ZHX3: variants seen among roughly 807,000 people sequenced by gnomAD.
The protein encoded by ZHX3 is zinc fingers and homeoboxes protein 3.
Under a neutral mutation model 64.5 loss-of-function variants are expected in ZHX3, and 20 were observed. That is an observed-to-expected ratio of 0.31 (90% confidence interval 0.22 to 0.45). ZHX3 has a LOEUF of 0.45. ZHX3 is among the 20% of genes least tolerant of loss of function. ZHX3 has a pLI of 1.00. For missense variants in ZHX3, 1,041 were observed against 1,195.8 expected (o/e 0.87, Z 1.91); for synonymous variants, 423 against 461.6 (o/e 0.92, Z 1.07).
chr20:41,277,180 T>C (rs1173056544), intron 1 of ZHX3, among the ~76,000 whole-genome samples: 1 of 152,102 alleles, frequency 6.6e-6, no homozygotes, highest in East Asian at 1.9e-4. Flanking sequence ...TGACAAAAAG[T>C]TTACCAGGCA....
intron 1 of ZHX3, among the ~76,000 whole-genome samples, chr20:41,287,154 A>T (rs2043976700): frequency 6.6e-6 from 1 of 152,186 alleles, no homozygotes; most frequent in African/African-American, 2.4e-5. Flanking sequence ...TTCTGATTTG[A>T]ATAACAGGAA....
chr20:41,215,938 C>T (rs1037178442), intron 2 of ZHX3, among the ~76,000 whole-genome samples: 1 of 138,470 alleles, frequency 7.2e-6, no homozygotes, highest in Non-Finnish European at 1.5e-5. Context: ...GGCGACAGAG[C>T]GAGACTGTCC....
At chr20:41,261,718 G>A (rs573501237) in intron 2 of ZHX3, among the ~76,000 whole-genome samples, 24 of 152,240 alleles carry the variant, frequency 1.6e-4, no homozygotes, top group South Asian at 1.0e-3. Flanking sequence ...CCAATCCTAA[G>A]GCCTTTTAAT....
At chr20:41,297,165 C>T (rs2044573893) in intron 1 of ZHX3, among the ~76,000 whole-genome samples, 1 of 152,186 alleles carries the variant, frequency 6.6e-6, no homozygotes. Flanking sequence ...AGGAGAATGG[C>T]AGTTCTGGGG....
intron 1 of ZHX3, among the ~76,000 whole-genome samples, chr20:41,300,429 A>G (rs1283365072): frequency 2.0e-5 from 3 of 152,242 alleles, no homozygotes; most frequent in Non-Finnish European, 4.4e-5. Flanking sequence ...ATATACAATC[A>G]AGTATAGATA....
intron 1 of ZHX3, among the ~76,000 whole-genome samples, chr20:41,313,554 G>T: frequency 6.7e-6 from 1 of 149,080 alleles, no homozygotes. Flanking sequence ...AATACCTGTG[G>T]AACAAGTAAA....
Position 41,242,498 on chromosome 20 carries a change from C to A in ZHX3, c.-151+26492G>T, listed in dbSNP as rs184184859. On this transcript the variant is annotated intron_variant, in intron 2 of 3. Transcript: ENST00000683867. ...GTGGCTTAGGAGAAATCAAAGAATG[C>A]AAATAGGGTGAGGAGGAGCCACATA... Among the ~76,000 whole-genome samples, 6 of 152,278 alleles carry A rather than the reference C, an allele frequency of 3.9e-5. No individual in the cohort carries two copies. In the East Asian group the frequency reaches 1.2e-3, roughly 29 times the overall value.
chr20:41,203,951 G>A lies in ZHX3; in HGVS notation c.966C>T (p.Ser322=), dbSNP rs890602998. Residue 322 remains serine (S), a synonymous_variant, in exon 3 of 4, where the codon TCC becomes TCT. Coordinates refer to ENST00000683867, the MANE Select transcript of ZHX3 (RefSeq NM_001384317.1). The surrounding 1 kb of genome is among the most constrained non-coding windows in gnomAD (Gnocchi z 7.1). Reference sequence around the variant, plus strand: ...TGGTGGGGTAGGGGAACTTGTGGAAGGAGTTCTTCAGGAAGCTGTTAGAGT... The same window carrying A: ...TGGTGGGGTAGGGGAACTTGTGGAAAGAGTTCTTCAGGAAGCTGTTAGAGT... The part of the protein sequence containing the change: ...AMDSNSFLKN[S]FHKFPYPTKA... 6.2e-7 allele frequency: 1 copy of A among 1,614,116 alleles called. No individual in the cohort carries two copies. The highest frequency in any genetic ancestry group is 8.5e-7 in the Non-Finnish European group (1 of 1,180,048).
In ZHX3 at chr20:41,204,853, C is replaced by G. The variant is rs1352860521; in HGVS notation, c.64G>C (p.Asp22His). ...GCGGGCTGGGCCTCCATGCTGGCAT[C>G]TTGCAACACCACAGTCTTCACTGGG... ...MIPVKTVVLQ[D>H]ASMEAQPAET... is the part of the protein sequence containing the mutation. The change falls in exon 3 of 4, where the codon GAT becomes CAT. Residue 22 changes from aspartate (D) to histidine (H), a missense_variant. Asp to His is a moderately conservative substitution (Grantham distance 81). Transcript: ENST00000683867. This position sits in a 1 kb window ranked among gnomAD's most constrained non-coding sequence, Gnocchi z 6.6. 2 of 1,587,962 alleles carry G rather than the reference C, an allele frequency of 1.3e-6. No individual in the cohort carries two copies. Among genetic ancestry groups the G allele is most frequent in the African/African-American group, 1.3e-5 (1 of 74,272 alleles).
chr20:41,284,622 A>ACC (rs2043846285), intron 1 of ZHX3, among the ~76,000 whole-genome samples: 1 of 151,950 alleles, frequency 6.6e-6, no homozygotes. Context: ...TCTCATCAAG[A>ACC]CCCCAGCCTT....
rs541430742 is a variant in ZHX3 at position 41,310,027 on chromosome 20, T to G, written c.-245+7482A>C. 9.8e-4 allele frequency among the ~76,000 whole-genome samples: 150 copies of G among 152,288 alleles called. 1 individual carries two copies. The highest frequency in any genetic ancestry group is 1.6e-3 in the Admixed American group (24 of 15,298). On this transcript the variant is annotated intron_variant, in intron 1 of 3. Coordinates refer to ENST00000683867, the MANE Select transcript of ZHX3 (RefSeq NM_001384317.1). ...TCACTCCACACACCCATTCCTTGACTTCAACAACACTGGTCCTTTTCTCCT... is the reference window on the plus strand; with the variant it reads ...TCACTCCACACACCCATTCCTTGACGTCAACAACACTGGTCCTTTTCTCCT...
Position 41,204,457 on chromosome 20 carries a change from T to C in ZHX3, c.460A>G (p.Ser154Gly). The C allele has an allele frequency of 6.2e-7, 1 of 1,614,202 alleles. No homozygotes were observed. The highest frequency in any genetic ancestry group is 1.7e-5 in the Admixed American group (1 of 60,024). Residue 154 changes from serine (S) to glycine (G), a missense_variant, in exon 3 of 4, where the codon AGC becomes GGC. Ser to Gly is a moderately conservative substitution (Grantham distance 56). This residue lies in a region of ZHX3 where 358 missense variants were observed against 369.1 expected (regional missense o/e 0.97). Coordinates refer to ENST00000683867, the MANE Select transcript of ZHX3 (RefSeq NM_001384317.1). This position sits in a 1 kb window ranked among gnomAD's most constrained non-coding sequence, Gnocchi z 6.6. ...GGAGTGCTGGTGCTCTCAGGGATGCTCTGCTCCACAACCACATGATTGTCT... is the reference window on the plus strand; with the variant it reads ...GGAGTGCTGGTGCTCTCAGGGATGCCCTGCTCCACAACCACATGATTGTCT... ...KPDNHVVVEQ[S>G]IPESTSTPDL... is the part of the protein sequence containing the mutation.
At position 41,195,348 on chromosome 20, in the gene ZHX3, T is replaced by C. The variant is rs1366468711; in HGVS notation, c.2860+6709A>G. On this transcript the variant is annotated intron_variant, in intron 3 of 3. Transcript: ENST00000683867. This position sits in a 1 kb window ranked among gnomAD's most constrained non-coding sequence, Gnocchi z 4.2. ...CCAGGCAGGTCTCAAACTCCTGGCC[T>C]CAAGTGATCCTCCTGCCTTGGCCTC... Among the ~76,000 whole-genome samples the C allele has an allele frequency of 6.6e-6, 1 of 152,208 alleles. No homozygotes were observed. The highest frequency in any genetic ancestry group is 1.9e-4 in the East Asian group (1 of 5,200).
chr20:41,220,890 T>C (rs1398444380), intron 2 of ZHX3, among the ~76,000 whole-genome samples: 2 of 151,958 alleles, frequency 1.3e-5, no homozygotes, highest in African/African-American at 2.4e-5. Flanking sequence ...GGTTTCGCCA[T>C]GTTGCCCAGG....
At chr20:41,218,897 C>T (rs531968233) in intron 2 of ZHX3, among the ~76,000 whole-genome samples, 2 of 147,222 alleles carry the variant, frequency 1.4e-5, no homozygotes, top group South Asian at 2.2e-4. Flanking sequence ...GAGCTCTCTA[C>T]TTGTTTTTCC....
At chr20:41,223,239 CTA>C (rs2146343110) in intron 2 of ZHX3, among the ~76,000 whole-genome samples, 1 of 152,302 alleles carries the variant, frequency 6.6e-6, no homozygotes. Context: ...GGTAAGACTT[CTA>C]TTAAGAAGTA....
At chr20:41,248,320 G>A (rs990351919) in intron 2 of ZHX3, among the ~76,000 whole-genome samples, 12 of 151,840 alleles carry the variant, frequency 7.9e-5, no homozygotes, top group Non-Finnish European at 1.3e-4. Context: ...CAGTTTCTCC[G>A]GTTTTTTTTT....
At chr20:41,198,903 AG>A in intron 3 of ZHX3, among the ~76,000 whole-genome samples, 1 of 152,140 alleles carries the variant, frequency 6.6e-6, no homozygotes, top group East Asian at 1.9e-4. Context: ...CAGCTCTCTC[AG>A]GTTTTTTTTC....
chr20:41,234,013 G>A (rs997191823), intron 2 of ZHX3, among the ~76,000 whole-genome samples: 1 of 152,136 alleles, frequency 6.6e-6, no homozygotes, highest in Non-Finnish European at 1.5e-5. Context: ...AACAAAAAAC[G>A]CAGTACAGAC....
Sources: allele counts gnomAD v4.1 joint callset (sites outside exome capture counted in the v4.1 genomes callset), GRCh38; gene constraint gnomAD v4.1.1; regional missense constraint gnomAD v4.1.1; non-coding constraint Gnocchi (gnomAD v3.1); transcripts MANE v1.5; gene names NCBI Gene and HGNC (gene_info 2026-07-23, HGNC 2026-07-21).